The following LMBR1 variants were observed in gnomAD, a reference collection of about 807,000 sequenced individuals.
LMBR1 encodes limb development membrane protein 1.
Under a neutral mutation model 73.9 loss-of-function variants are expected in LMBR1, and 52 were observed. The observed-to-expected ratio is 0.70, with a 90% confidence interval of 0.56 to 0.89. The LOEUF is 0.89. Ranked by LOEUF, LMBR1 falls within the 40% of genes least tolerant of loss-of-function variation. The pLI, the probability that LMBR1 is intolerant of heterozygous loss-of-function variation, is 0.00. For synonymous variants in LMBR1, 215 were observed against 209.4 expected, an observed-to-expected ratio of 1.03 and a Z score of -0.23; for missense variants, 539 against 579.8, an observed-to-expected ratio of 0.93 and a Z score of 0.72.
At chr7:156,752,593 G>A (rs1821111619) in intron 9 of LMBR1, among the ~76,000 whole-genome samples, 1 of 152,090 alleles carries the variant, frequency 6.6e-6, no homozygotes, top group Admixed American at 6.5e-5. Context: ...CAGGGAGGAG[G>A]GTTGGCATGA....
At chr7:156,713,425 A>G (rs896389716) in intron 15 of LMBR1, among the ~76,000 whole-genome samples, 3 of 152,196 alleles carry the variant, frequency 2.0e-5, no homozygotes, top group Non-Finnish European at 4.4e-5. Context: ...AGGTTCATCA[A>G]CTGTAACCAA....
chr7:156,675,900 A>G, downstream of LMBR1: 1 of 1,592,462 alleles, frequency 6.3e-7, no homozygotes, highest in Non-Finnish European at 8.6e-7. Context: ...CAGCAGACTC[A>G]GCTGCAGCTG....
At chr7:156,674,373 C>G (rs1803327247), downstream of LMBR1, among the ~76,000 whole-genome samples, 1 of 152,228 alleles carries the variant, frequency 6.6e-6, no homozygotes. Flanking sequence ...CTGGGTGAGC[C>G]ACAGCTCTGT....
chr7:156,676,498 G>A (rs1387895095), downstream of LMBR1: 1 of 1,613,910 alleles, frequency 6.2e-7, no homozygotes, highest in East Asian at 2.2e-5. Flanking sequence ...GTGGGTGCAG[G>A]CAGGCGTTCC....
chr7:156,891,167 G>A (rs1252542319), intron 1 of LMBR1, among the ~76,000 whole-genome samples: 3 of 131,704 alleles, frequency 2.3e-5, no homozygotes, highest in African/African-American at 9.0e-5. Context: ...CTCCAGCCTG[G>A]GAGACAGAGC....
At chr7:156,842,502 T>C (rs1314023909) in intron 1 of LMBR1, among the ~76,000 whole-genome samples, 3 of 152,322 alleles carry the variant, frequency 2.0e-5, no homozygotes, top group Middle Eastern at 3.4e-3. Context: ...GTCTGTACAA[T>C]GCCTGGGAAA....
At position 156,727,208 on chromosome 7, in the gene LMBR1, T is replaced by C. The variant is rs182096306; in HGVS notation, c.993+722A>G. Among the ~76,000 whole-genome samples the C allele has an allele frequency of 8.3e-4, 126 of 152,368 alleles. 1 individual carries two copies. Among genetic ancestry groups the C allele is most frequent in the Admixed American group, 1.4e-3 (22 of 15,306 alleles). On this transcript the variant is annotated intron_variant, in intron 12 of 16. Transcript: ENST00000353442. The stretch of plus-strand genomic sequence containing the variant: ...CAACAGAGATAATACTTTGGAATTA[T>C]GCTATCTCAAGAGAAGCCATGTAGG...
At chr7:156,786,276 G>C (rs942475029) in intron 5 of LMBR1, among the ~76,000 whole-genome samples, 1 of 150,444 alleles carries the variant, frequency 6.6e-6, no homozygotes, top group Admixed American at 6.6e-5. Flanking sequence ...GGGAAGGAGG[G>C]AAGGAAGGAA....
intron 1 of LMBR1, among the ~76,000 whole-genome samples, chr7:156,839,762 C>T (rs2133954500): frequency 6.6e-6 from 1 of 152,240 alleles, no homozygotes; most frequent in Non-Finnish European, 1.5e-5. Flanking sequence ...CTGACAGCAA[C>T]CAAAAGGACC....
chr7:156,754,887 T>C lies in LMBR1; in HGVS notation c.757+1506A>G, dbSNP rs58051066. 6.7e-3 allele frequency among the ~76,000 whole-genome samples: 1,014 copies of C among 152,304 alleles called. 10 individuals are homozygous for C. Among genetic ancestry groups the C allele is most frequent in the African/African-American group, 0.023 (950 of 41,564 alleles). ...CATAGAACCATTTATGTTATAAACA[T>C]AAATCATTTAGCTCTTTATTTTCCA... On this transcript the variant is annotated intron_variant, in intron 9 of 16. Transcript: ENST00000353442.
chr7:156,796,975 T>A (rs1442390272), intron 4 of LMBR1, among the ~76,000 whole-genome samples: 1 of 152,208 alleles, frequency 6.6e-6, no homozygotes, highest in Non-Finnish European at 1.5e-5. Context: ...ACAGACATTA[T>A]CCGAACTCAT....
chr7:156,803,888 C>T (rs62492664), intron 4 of LMBR1, among the ~76,000 whole-genome samples: 21,034 of 149,800 alleles, frequency 0.14, 1,904 homozygotes, highest in South Asian at 0.21. Context: ...CAAACTATCG[C>T]AAGGACAAAA....
At chr7:156,884,623 G>C (rs1483380702) in intron 1 of LMBR1, among the ~76,000 whole-genome samples, 5 of 152,094 alleles carry the variant, frequency 3.3e-5, no homozygotes, top group African/African-American at 4.8e-5. Context: ...AAACTACCTA[G>C]TAGAAGCCCA....
At chr7:156,891,255 CACACAT>C (rs1802926792) in intron 1 of LMBR1, among the ~76,000 whole-genome samples, 1 of 131,878 alleles carries the variant, frequency 7.6e-6, no homozygotes, top group African/African-American at 2.9e-5. Flanking sequence ...CACACACACA[CACACAT>C]ATATACATAC....
Position 156,763,766 on chromosome 7 carries a change from C to A in LMBR1, c.453G>T (p.Leu151Phe), listed in dbSNP as rs763674051. Residue 151 changes from leucine (L) to phenylalanine (F), a missense_variant, in exon 6 of 17, where the codon TTG becomes TTT. Leu to Phe is a conservative substitution (Grantham distance 22). Around this residue, in one of 3 missense-constraint regions of LMBR1, gnomAD observed 454 missense variants for 473.4 expected, o/e 0.96. Coordinates refer to ENST00000353442, the MANE Select transcript of LMBR1 (RefSeq NM_022458.4). ...KGIRARILETLVMLLLLALLI... is the reference protein window; with the variant it reads ...KGIRARILETFVMLLLLALLI... ...GTAACGCAAGAAGAAGAAGCATGACCAAAGTCTCTAAAATGCGGGCTCGGA... is the reference window on the plus strand; with the variant it reads ...GTAACGCAAGAAGAAGAAGCATGACAAAAGTCTCTAAAATGCGGGCTCGGA... 10 of 1,600,368 alleles carry A rather than the reference C, an allele frequency of 6.2e-6. No individual in the cohort carries two copies. The highest frequency in any genetic ancestry group is 5.4e-5 in the Admixed American group (3 of 55,924).
At chr7:156,862,119 A>C (rs1797809846) in intron 1 of LMBR1, among the ~76,000 whole-genome samples, 1 of 152,210 alleles carries the variant, frequency 6.6e-6, no homozygotes, top group African/African-American at 2.4e-5. Context: ...GAAACTGGGC[A>C]ATTTACAAAA....
chr7:156,676,505 T>G (rs150846510), downstream of LMBR1: 13 of 1,613,910 alleles, frequency 8.1e-6, no homozygotes, highest in Admixed American at 5.0e-5. Context: ...CAGGCAGGCG[T>G]TCCAGAGAGA....
intron 2 of LMBR1, 96 bp from the exon 3 acceptor site, chr7:156,833,888 C>T (rs1586110850): frequency 1.3e-6 from 1 of 784,592 alleles, no homozygotes; most frequent in Non-Finnish European, 2.0e-6. Flanking sequence ...ACTTAAAAGG[C>T]AATTATTGAA....
intron 1 of LMBR1, among the ~76,000 whole-genome samples, chr7:156,877,532 C>G (rs971061181): frequency 6.6e-6 from 1 of 152,086 alleles, no homozygotes; most frequent in African/African-American, 2.4e-5. Context: ...AAAAACATAT[C>G]AAAAAGGTAA....
Sources: gnomAD v4.1 joint callset for allele counts (sites outside exome capture counted in the v4.1 genomes callset) on GRCh38, gnomAD v4.1.1 for gene constraint, gnomAD v4.1.1 regional missense constraint, MANE v1.5 for transcripts, NCBI Gene and HGNC (gene_info 2026-07-23, HGNC 2026-07-21) for gene names.